The following PTPA variants were observed in gnomAD, a reference collection of about 807,000 sequenced individuals.
The protein encoded by PTPA is serine/threonine-protein phosphatase 2A activator.
In PTPA, 13 loss-of-function variants were observed where a neutral mutation model predicts 43.6. The observed-to-expected ratio is 0.30, with a 90% confidence interval of 0.19 to 0.47. The LOEUF is 0.47. Among genes scored for constraint, PTPA ranks in the 20% least tolerant of loss-of-function variants. PTPA has a pLI of 0.99. For missense variants in PTPA, 329 were observed against 411.9 expected, an observed-to-expected ratio of 0.80 and a Z score of 1.74; for synonymous variants, 172 against 158.2, an observed-to-expected ratio of 1.09 and a Z score of -0.66.
intron 9 of PTPA, among the ~76,000 whole-genome samples, chr9:129,146,786 CAG>C (rs1851330166): frequency 6.6e-6 from 1 of 152,188 alleles, no homozygotes; most frequent in African/African-American, 2.4e-5. Context: ...GGGCTGGGCT[CAG>C]GGAGTCGGGC....
intron 5 of PTPA, among the ~76,000 whole-genome samples, chr9:129,133,377 G>C (rs1047952741): frequency 1.3e-5 from 2 of 152,342 alleles, no homozygotes; most frequent in African/African-American, 4.8e-5. Context: ...TGCCCCAGCT[G>C]CATGTGAACC....
chr9:129,148,613 T>A lies in PTPA; in HGVS notation c.*1149T>A, dbSNP rs1440014392. 2.0e-5 allele frequency: 3 copies of A among 152,768 alleles called. No individual in the cohort carries two copies. The highest frequency in any genetic ancestry group is 7.2e-5 in the African/African-American group (3 of 41,460). The allele number at this position is 152,768 out of a possible 1,614,324, so 9.5% of individuals were successfully genotyped here. A position where few individuals can be genotyped will look rare whatever the true frequency, so the allele number is the denominator to read the frequency against. On this transcript the variant is annotated 3_prime_UTR_variant, in exon 10 of 10. Transcript: ENST00000393370. ...CATTGAGGGCCACCGCCGAGGTTTC[T>A]CCTAGGGCTGTTCCTGGGCCTGGCT... is the stretch of plus-strand genomic sequence containing the variant.
At chr9:129,133,604 C>T (rs923284683) in intron 5 of PTPA, among the ~76,000 whole-genome samples, 7 of 152,166 alleles carry the variant, frequency 4.6e-5, no homozygotes, top group Non-Finnish European at 7.4e-5. Context: ...GTGAGTTGTT[C>T]CTACAGTGCA....
intron 3 of PTPA, among the ~76,000 whole-genome samples, chr9:129,128,374 A>G (rs1431051717): frequency 6.6e-6 from 1 of 152,092 alleles, no homozygotes; most frequent in Non-Finnish European, 1.5e-5. Flanking sequence ...CATCTCTACT[A>G]GAAGTACAAA....
intron 1 of PTPA, among the ~76,000 whole-genome samples, chr9:129,118,037 T>TAA (rs1466874415): frequency 3.4e-5 from 5 of 146,142 alleles, no homozygotes; most frequent in African/African-American, 1.2e-4. Flanking sequence ...TATCAACTGA[T>TAA]ATTTGAGTTG....
chr9:129,128,182 GC>G, intron 3 of PTPA: 1 of 554,686 alleles, frequency 1.8e-6, no homozygotes, highest in Non-Finnish European at 3.2e-6. Flanking sequence ...TTGAATCCAG[GC>G]CCACCATGCT....
chr9:129,112,900 C>T (rs1452819598), intron 1 of PTPA, among the ~76,000 whole-genome samples: 2 of 151,188 alleles, frequency 1.3e-5, no homozygotes, highest in African/African-American at 4.9e-5. Context: ...GAGATCGCGG[C>T]ATTGCACTCC....
chr9:129,143,449 C>T, intron 9 of PTPA: 1 of 702,966 alleles, frequency 1.4e-6, no homozygotes, highest in Non-Finnish European at 2.6e-6. Context: ...GGCCGGCCTT[C>T]TCTTCTGGGA....
upstream of PTPA, chr9:129,110,984 C>T (rs754464575): frequency 2.2e-6 from 3 of 1,371,112 alleles, no homozygotes; most frequent in African/African-American, 1.5e-5. This position sits in a 1 kb window ranked among gnomAD's most constrained non-coding sequence, Gnocchi z 5.3. Flanking sequence ...AGGAGGTCAC[C>T]GTCCAGCTGT....
At chr9:129,144,107 T>C (rs556604605) in intron 9 of PTPA, among the ~76,000 whole-genome samples, 2 of 151,794 alleles carry the variant, frequency 1.3e-5, no homozygotes, top group South Asian at 2.1e-4. Flanking sequence ...GCCCAAAGGA[T>C]AGGGCAAGAG....
upstream of PTPA, chr9:129,111,290 T>C: frequency 1.8e-6 from 2 of 1,129,134 alleles, no homozygotes; most frequent in South Asian, 6.6e-5. Context: ...CCGTGAGCGG[T>C]CCTAGCGCTT....
At chr9:129,138,414 C>G (rs1031689221) in intron 8 of PTPA, among the ~76,000 whole-genome samples, 7 of 152,218 alleles carry the variant, frequency 4.6e-5, no homozygotes, top group African/African-American at 1.7e-4. Context: ...AGCCAGGAAC[C>G]TGCATCTAAA....
chr9:129,111,298 C>A (rs538935692), upstream of PTPA: 1 of 1,137,560 alleles, frequency 8.8e-7, no homozygotes, highest in African/African-American at 1.6e-5. Context: ...GGTCCTAGCG[C>A]TTGGCGGCCG....
chr9:129,111,155 C>T (rs1033542325), upstream of PTPA: 89 of 1,228,036 alleles, frequency 7.2e-5, no homozygotes, highest in African/African-American at 1.3e-3. Flanking sequence ...AGGGTCAGTA[C>T]CACCCACAAA....
intron 8 of PTPA, among the ~76,000 whole-genome samples, chr9:129,139,146 C>T (rs1380110409): frequency 2.6e-5 from 4 of 152,154 alleles, no homozygotes; most frequent in Non-Finnish European, 2.9e-5. Flanking sequence ...GGGTCCCTGT[C>T]GGTATTCTAA....
intron 1 of PTPA, among the ~76,000 whole-genome samples, chr9:129,114,646 T>A (rs574164143): frequency 6.6e-6 from 1 of 152,174 alleles, no homozygotes; most frequent in Non-Finnish European, 1.5e-5. Flanking sequence ...AAATGGCCAA[T>A]GATAATGCTA....
At chr9:129,123,746 C>T (rs1260856414) in intron 3 of PTPA, among the ~76,000 whole-genome samples, 2 of 151,696 alleles carry the variant, frequency 1.3e-5, no homozygotes, top group African/African-American at 2.4e-5. Context: ...TGCAGTGGCG[C>T]GATCTTGGCT....
At chr9:129,132,308 ATTTAT>A (rs547550009) in intron 5 of PTPA, among the ~76,000 whole-genome samples, 155 of 152,212 alleles carry the variant, frequency 1.0e-3, no homozygotes, top group African/African-American at 3.6e-3. Flanking sequence ...TTTTTTAAAA[ATTTAT>A]TTTAAGTTAT....
At chr9:129,115,085 C>T (rs547611740) in intron 1 of PTPA, among the ~76,000 whole-genome samples, 19 of 152,106 alleles carry the variant, frequency 1.2e-4, no homozygotes, top group Admixed American at 5.2e-4. Context: ...GTGCAACCTC[C>T]GAGGAGAGCT....
Sources: gnomAD v4.1 joint callset for allele counts (sites outside exome capture counted in the v4.1 genomes callset) on GRCh38, gnomAD v4.1.1 for gene constraint, Gnocchi (gnomAD v3.1) non-coding constraint, MANE v1.5 for transcripts, NCBI Gene and HGNC (gene_info 2026-07-23, HGNC 2026-07-21) for gene names.